Variants in PAMR1 observed in about 807,000 individuals in gnomAD.
PAMR1 encodes the protein peptidase domain containing associated with muscle regeneration 1.
A neutral mutation model predicts 81.8 loss-of-function variants in PAMR1; 88 were observed. That is an observed-to-expected ratio of 1.08 (90% CI 0.91 to 1.28). The LOEUF is 1.28. PAMR1 is among the 50% of genes most tolerant of loss of function. The pLI, the probability that PAMR1 is intolerant of heterozygous loss-of-function variation, is 0.00. For missense variants in PAMR1, 935 were observed against 919.7 expected, an observed-to-expected ratio of 1.02 and a Z score of -0.21; for synonymous variants, 336 against 345.3, an observed-to-expected ratio of 0.97 and a Z score of 0.30.
intron 6 of PAMR1, among the ~76,000 whole-genome samples, chr11:35,443,214 TTTA>T (rs1263758574): frequency 1.1e-4 from 17 of 152,230 alleles, no homozygotes; most frequent in African/African-American, 3.4e-4. Flanking sequence ...TTATTTTTAT[TTTA>T]TTAAGCTCCG....
chr11:35,500,853 C>G (rs966909112), intron 1 of PAMR1, among the ~76,000 whole-genome samples: 1 of 151,972 alleles, frequency 6.6e-6, no homozygotes, highest in Non-Finnish European at 1.5e-5. Flanking sequence ...ACTGGTGTAT[C>G]TAAACATATC....
chr11:35,487,209 T>C (rs1850526739), intron 3 of PAMR1, among the ~76,000 whole-genome samples: 2 of 133,958 alleles, frequency 1.5e-5, no homozygotes, highest in Non-Finnish European at 1.6e-5. Flanking sequence ...GATTGTTAGT[T>C]ACCCAGAAAA....
At chr11:35,435,767 T>C in intron 9 of PAMR1, 136 bp downstream of exon 9, 1 of 653,686 alleles carries the variant, frequency 1.5e-6, no homozygotes, top group Non-Finnish European at 2.7e-6. Flanking sequence ...AAAAAAGCTC[T>C]AACTATGGAA....
chr11:35,437,563 C>G (rs1268523861), intron 8 of PAMR1, among the ~76,000 whole-genome samples: 1 of 152,232 alleles, frequency 6.6e-6, no homozygotes, highest in Non-Finnish European at 1.5e-5. Flanking sequence ...AAGGTCTACA[C>G]TGTCGTTGGG....
intron 1 of PAMR1, among the ~76,000 whole-genome samples, chr11:35,519,791 T>C (rs1363157774): frequency 2.6e-5 from 4 of 152,204 alleles, no homozygotes; most frequent in Non-Finnish European, 5.9e-5. Context: ...ACTAACACCA[T>C]GATTTTTTAT....
intron 9 of PAMR1, 100 bp from the exon 10 acceptor site, chr11:35,434,904 T>G: frequency 5.2e-6 from 6 of 1,163,262 alleles, no homozygotes; most frequent in Non-Finnish European, 7.3e-6. Flanking sequence ...AAAGGTGAAC[T>G]GTATGGGCAT....
Position 35,492,127 on chromosome 11 carries a change from C to A in PAMR1, c.297G>T (p.Trp99Cys). The change falls in exon 3 of 11, where the codon TGG (tryptophan) becomes TGT (cysteine). Residue 99 changes from tryptophan to cysteine, a missense_variant. By Grantham distance (215) the Trp-to-Cys change is radical (BLOSUM62 -2). Coordinates refer to ENST00000619888, the MANE Select transcript of PAMR1 (RefSeq NM_001001991.3). ...CATAGAAGTCATCCAAGGTACCCCC[C>A]CATGAGCCATTTCGGCAGCTCTTGC... ...ENCKSCRNGS[W>C]GGTLDDFYVK... 6.2e-7 allele frequency: 1 copy of A among 1,614,138 alleles called. No homozygotes were observed. The highest frequency in any genetic ancestry group is 1.3e-5 in the African/African-American group (1 of 75,048).
intron 1 of PAMR1, among the ~76,000 whole-genome samples, chr11:35,506,110 G>T (rs1299273460): frequency 7.5e-6 from 1 of 133,356 alleles, no homozygotes; most frequent in South Asian, 2.4e-4. Context: ...ACTTACCTTA[G>T]ATCACTAAAA....
intron 6 of PAMR1, among the ~76,000 whole-genome samples, chr11:35,442,470 T>C (rs1856191124): frequency 6.6e-6 from 1 of 152,224 alleles, no homozygotes; most frequent in South Asian, 2.1e-4. Flanking sequence ...AAATAGATTA[T>C]GACACTACTG....
chr11:35,521,986 G>A (rs1347733683), intron 1 of PAMR1, among the ~76,000 whole-genome samples: 2 of 151,780 alleles, frequency 1.3e-5, no homozygotes, highest in African/African-American at 2.4e-5. Flanking sequence ...GCAGTGGCGC[G>A]ATCTTGGCTC....
upstream of PAMR1, chr11:35,525,890 C>T: frequency 4.3e-6 from 2 of 468,624 alleles, no homozygotes; most frequent in South Asian, 2.4e-5. Context: ...AGCCTGGGTA[C>T]AGGTGGGGTC....
At chr11:35,496,148 T>G (rs1012613722) in intron 1 of PAMR1, among the ~76,000 whole-genome samples, 1 of 152,212 alleles carries the variant, frequency 6.6e-6, no homozygotes, top group Non-Finnish European at 1.5e-5. Context: ...ATTTAATGGT[T>G]AAAAGTGAGG....
At chr11:35,493,669 C>A (rs1406717976) in intron 2 of PAMR1, among the ~76,000 whole-genome samples, 3 of 152,188 alleles carry the variant, frequency 2.0e-5, no homozygotes, top group Non-Finnish European at 4.4e-5. Flanking sequence ...TTTCCTCCCA[C>A]CTGCCCCCAT....
chr11:35,436,356 C>T, intron 8 of PAMR1: 1 of 475,210 alleles, frequency 2.1e-6, no homozygotes, highest in Non-Finnish European at 3.8e-6. Flanking sequence ...GCGATCTTGG[C>T]TCACTGCAAC....
chr11:35,528,002 C>T (rs1851418686), upstream of PAMR1, among the ~76,000 whole-genome samples: 1 of 152,064 alleles, frequency 6.6e-6, no homozygotes, highest in Non-Finnish European at 1.5e-5. Flanking sequence ...TCCCTCTCCC[C>T]ACCTCCCAGC....
intron 6 of PAMR1, among the ~76,000 whole-genome samples, chr11:35,443,464 G>C (rs886792912): frequency 6.6e-6 from 1 of 152,066 alleles, no homozygotes; most frequent in Non-Finnish European, 1.5e-5. Context: ...CCAGTGTTTC[G>C]TTTTCTGTTC....
Position 35,436,138 on chromosome 11 carries a change from G to T in PAMR1, c.1101-3C>A, listed in dbSNP as rs1424286615. 6.2e-7 allele frequency: 1 copy of T among 1,603,426 alleles called. No individual in the cohort carries two copies. Among genetic ancestry groups the T allele is most frequent in the African/African-American group, 1.3e-5 (1 of 74,730 alleles). On this transcript the variant is annotated splice_region_variant and splice_polypyrimidine_tract_variant and intron_variant, in intron 8 of 10. Coordinates refer to ENST00000619888, the MANE Select transcript of PAMR1 (RefSeq NM_001001991.3). The stretch of plus-strand genomic sequence containing the variant: ...ATAGCTGGTGTAATGGTGTCTCCCT[G>T]GGTCAGGAAACATGGGCCCAGAGAA...
chr11:35,493,883 A>C (rs1372474456), intron 2 of PAMR1, among the ~76,000 whole-genome samples: 1 of 152,238 alleles, frequency 6.6e-6, no homozygotes, highest in Non-Finnish European at 1.5e-5. Flanking sequence ...TGAGTGAATG[A>C]ATTCAAAGTT....
chr11:35,524,889 A>G (rs16927628), intron 1 of PAMR1, among the ~76,000 whole-genome samples: 33,353 of 152,034 alleles, frequency 0.22, 3,843 homozygotes, highest in Non-Finnish European at 0.25. Flanking sequence ...AACAAACCCT[A>G]TGCATCCCAG....
Sources: allele counts gnomAD v4.1 joint callset (sites outside exome capture counted in the v4.1 genomes callset), GRCh38; gene constraint gnomAD v4.1.1; transcripts MANE v1.5; gene names NCBI Gene and HGNC (gene_info 2026-07-23, HGNC 2026-07-21).